Variants in COL22A1 observed in about 807,000 individuals in gnomAD.
COL22A1 encodes the protein collagen type XXII alpha 1 chain.
Under a neutral mutation model 248.9 loss-of-function variants are expected in COL22A1, and 221 were observed. The ratio of observed to expected loss-of-function variants is 0.89; its 90% confidence interval spans 0.80 to 0.99. The LOEUF (loss-of-function observed/expected upper bound fraction) is 0.99. Among genes scored for constraint, COL22A1 ranks in the 50% least tolerant of loss-of-function variants. The pLI, the probability that COL22A1 is intolerant of heterozygous loss-of-function variation, is 0.00. For synonymous variants in COL22A1, 891 were observed against 793.4 expected (o/e 1.12, Z -2.07); for missense variants, 2,240 against 2,179.0 (o/e 1.03, Z -0.56).
At chr8:138,645,382 CCTCT>C (rs1362965883) in intron 47 of COL22A1, among the ~76,000 whole-genome samples, 2 of 152,108 alleles carry the variant, frequency 1.3e-5, no homozygotes. Context: ...CGCCCTGAAT[CCTCT>C]CTCTCTCAGG....
intron 12 of COL22A1, among the ~76,000 whole-genome samples, chr8:138,789,691 C>A (rs141191489): frequency 6.6e-6 from 1 of 152,268 alleles, no homozygotes; most frequent in African/African-American, 2.4e-5. Context: ...TTGACCAATG[C>A]CGTGGTGAAA....
intron 57 of COL22A1, among the ~76,000 whole-genome samples, chr8:138,607,521 TC>T (rs1818513642): frequency 6.6e-6 from 1 of 151,962 alleles, no homozygotes; most frequent in African/African-American, 2.4e-5. Context: ...TACCTGTTGA[TC>T]CTTTTTGTCT....
chr8:138,807,954 A>G, intron 9 of COL22A1, 142 bp from the exon 10 acceptor site: 2 of 766,988 alleles, frequency 2.6e-6, no homozygotes, highest in Non-Finnish European at 4.2e-6. Context: ...GGGCAAGGAA[A>G]TTGGTTGACT....
In COL22A1 at chr8:138,756,426, G is replaced by A. The variant is rs115634929; in HGVS notation, c.1903-597C>T. On this transcript the variant is annotated intron_variant, in intron 18 of 64. Coordinates refer to ENST00000303045, the MANE Select transcript of COL22A1 (RefSeq NM_152888.3). ...CTGTGGCCTGACCGGATGTTCCAGC[G>A]TGTGCGCTACAACTTGGTCCTAAAT... Among the ~76,000 whole-genome samples the A allele has an allele frequency of 9.3e-3, 1,418 of 152,148 alleles. 26 individuals are homozygous for A. Among genetic ancestry groups the A allele is most frequent in the African/African-American group, 0.032 (1,315 of 41,500 alleles).
intron 51 of COL22A1, among the ~76,000 whole-genome samples, chr8:138,625,954 A>G (rs1820204550): frequency 6.6e-6 from 1 of 152,234 alleles, no homozygotes; most frequent in Non-Finnish European, 1.5e-5. Context: ...TTAAACAAAT[A>G]AGAAACAACC....
chr8:138,907,077 C>A (rs538832356), intron 1 of COL22A1, among the ~76,000 whole-genome samples: 1 of 152,182 alleles, frequency 6.6e-6, no homozygotes, highest in Admixed American at 6.5e-5. Flanking sequence ...CAGGGAGGGG[C>A]CAGGAATGGA....
At chr8:138,797,923 T>C (rs1816689478) in intron 11 of COL22A1, among the ~76,000 whole-genome samples, 1 of 151,760 alleles carries the variant, frequency 6.6e-6, no homozygotes, top group African/African-American at 2.4e-5. Flanking sequence ...CCTTTATTGA[T>C]TTTTTTGGTT....
chr8:138,661,051 C>T (rs1482381107), intron 43 of COL22A1, among the ~76,000 whole-genome samples: 8 of 148,036 alleles, frequency 5.4e-5, no homozygotes, highest in African/African-American at 2.0e-4. Flanking sequence ...CACACACACA[C>T]ACGCACACAC....
rs192608562 is a variant in COL22A1, at chr8:138,661,911, C to A, written c.3240+119G>T. 182 of 628,714 alleles carry A rather than the reference C, an allele frequency of 2.9e-4. 1 individual carries two copies. In the East Asian group the frequency reaches 5.1e-3, roughly 18 times the overall value. 38.9% of individuals were successfully genotyped at this position (628,714 alleles called of 1,614,324 possible). ...CATGTCCATGGGGCTTCCTGGAAATCCTCAACCGGGCTACAAAGTTGGCCA... is the reference window on the plus strand; with the variant it reads ...CATGTCCATGGGGCTTCCTGGAAATACTCAACCGGGCTACAAAGTTGGCCA... On this transcript the variant is annotated intron_variant, in intron 43 of 64. Coordinates refer to ENST00000303045, the MANE Select transcript of COL22A1 (RefSeq NM_152888.3).
At chr8:138,726,787 C>A (rs1009734985) in intron 23 of COL22A1, among the ~76,000 whole-genome samples, 4 of 152,186 alleles carry the variant, frequency 2.6e-5, no homozygotes, top group Admixed American at 2.0e-4. Flanking sequence ...TGGGCCTGCA[C>A]AGGGCAGATG....
intron 23 of COL22A1, among the ~76,000 whole-genome samples, chr8:138,726,522 A>G (rs926290707): frequency 1.0e-4 from 15 of 149,402 alleles, no homozygotes; most frequent in Non-Finnish European, 1.5e-5. Flanking sequence ...AAGAAAGAAA[A>G]AAAGACAAAT....
At chr8:138,662,282 G>T (rs1204964890) in intron 42 of COL22A1, among the ~76,000 whole-genome samples, 199 bp from the exon 43 acceptor site, 3 of 152,192 alleles carry the variant, frequency 2.0e-5, no homozygotes, top group Non-Finnish European at 4.4e-5. Flanking sequence ...TCGACACACA[G>T]AGAGAATGCT....
chr8:138,655,509 TC>T (rs1449916702), intron 45 of COL22A1, among the ~76,000 whole-genome samples: 1 of 152,160 alleles, frequency 6.6e-6, no homozygotes, highest in African/African-American at 2.4e-5. Flanking sequence ...CAGGCACATG[TC>T]ACCACATCAA....
chr8:138,617,476 G>T (rs1282902068), intron 53 of COL22A1, among the ~76,000 whole-genome samples: 2 of 152,096 alleles, frequency 1.3e-5, no homozygotes, highest in East Asian at 3.9e-4. Flanking sequence ...GGGTCTCCTT[G>T]TCCAGAGTTG....
At chr8:138,740,096 C>T (rs192252530) in intron 22 of COL22A1, among the ~76,000 whole-genome samples, 2 of 152,316 alleles carry the variant, frequency 1.3e-5, no homozygotes, top group African/African-American at 4.8e-5. Context: ...GGAAACCAGA[C>T]ACCTTCCATT....
chr8:138,765,041 G>T (rs988600043), intron 16 of COL22A1, among the ~76,000 whole-genome samples: 1 of 152,156 alleles, frequency 6.6e-6, no homozygotes, highest in Admixed American at 6.5e-5. Flanking sequence ...CCTGGGTTTC[G>T]TCTCTGCCAA....
intron 32 of COL22A1, among the ~76,000 whole-genome samples, chr8:138,698,835 G>A (rs1827735704): frequency 6.6e-6 from 1 of 152,238 alleles, no homozygotes. Flanking sequence ...GCGGGTGAGG[G>A]AGGTGCTGTG....
intron 45 of COL22A1, among the ~76,000 whole-genome samples, chr8:138,652,734 G>GTTTTTTTTTTTTTTTTTT (rs1564146836): frequency 2.6e-4 from 12 of 45,912 alleles, no homozygotes; most frequent in African/African-American, 5.5e-4. Context: ...TTCCTTTTCT[G>GTTTTTTTTTTTTTTTTTT]GTTTTTTTTT....
At chr8:138,847,056 G>C (rs1821298688) in intron 3 of COL22A1, among the ~76,000 whole-genome samples, 1 of 152,146 alleles carries the variant, frequency 6.6e-6, no homozygotes, top group African/African-American at 2.4e-5. Context: ...CCCAGCCTGG[G>C]TAGGGAGCCC....
Sources: allele counts gnomAD v4.1 joint callset (sites outside exome capture counted in the v4.1 genomes callset), GRCh38; gene constraint gnomAD v4.1.1; transcripts MANE v1.5; gene names NCBI Gene and HGNC (gene_info 2026-07-23, HGNC 2026-07-21).